The following LDLRAD4 variants were observed in gnomAD, a reference collection of about 807,000 sequenced individuals.
LDLRAD4 encodes the protein low density lipoprotein receptor class A domain containing 4.
A neutral mutation model predicts 17.0 loss-of-function variants in LDLRAD4; 5 were observed. That is an observed-to-expected ratio of 0.29 (90% confidence interval 0.15 to 0.62). The LOEUF is 0.62. LDLRAD4 is among the 20% of genes least tolerant of loss of function. The pLI is 0.84. For synonymous variants in LDLRAD4, 168 were observed against 171.8 expected, an observed-to-expected ratio of 0.98 and a Z score of 0.17; for missense variants, 340 against 424.7, an observed-to-expected ratio of 0.80 and a Z score of 1.75.
At chr18:13,233,810 C>T (rs1315291490) in intron 1 of LDLRAD4, among the ~76,000 whole-genome samples, 1 of 152,078 alleles carries the variant, frequency 6.6e-6, no homozygotes, top group African/African-American at 2.4e-5. Flanking sequence ...CACCTACCTG[C>T]CTACCGGGCA....
chr18:13,289,696 T>C (rs1314339590), intron 1 of LDLRAD4, among the ~76,000 whole-genome samples: 1 of 152,198 alleles, frequency 6.6e-6, no homozygotes, highest in African/African-American at 2.4e-5. Flanking sequence ...CAGACCCAGC[T>C]GTGTCCAGTC....
intron 1 of LDLRAD4, among the ~76,000 whole-genome samples, chr18:13,306,082 C>T (rs1231265487): frequency 6.6e-6 from 1 of 152,032 alleles, no homozygotes; most frequent in Non-Finnish European, 1.5e-5. Flanking sequence ...TTAAGAAAAT[C>T]ATTGAGGAGA....
chr18:13,627,637 G>A (rs1157447453), intron 4 of LDLRAD4, among the ~76,000 whole-genome samples: 1 of 152,244 alleles, frequency 6.6e-6, no homozygotes, highest in Non-Finnish European at 1.5e-5. Flanking sequence ...GTTGAGACAC[G>A]TGTCTGGGTC....
chr18:13,633,963 G>T (rs2041884505), intron 4 of LDLRAD4, among the ~76,000 whole-genome samples: 1 of 152,228 alleles, frequency 6.6e-6, no homozygotes, highest in African/African-American at 2.4e-5. Flanking sequence ...CACAGCAGCT[G>T]CTCCAGATGG....
chr18:13,267,846 A>G (rs2044306466), intron 1 of LDLRAD4, among the ~76,000 whole-genome samples: 1 of 152,146 alleles, frequency 6.6e-6, no homozygotes, highest in Admixed American at 6.5e-5. Flanking sequence ...GTCCTTCCTG[A>G]GCTTTGACTT....
chr18:13,247,221 A>G (rs2042998571), intron 1 of LDLRAD4, among the ~76,000 whole-genome samples: 1 of 152,172 alleles, frequency 6.6e-6, no homozygotes, highest in Non-Finnish European at 1.5e-5. Flanking sequence ...CCACTTTTTT[A>G]CAAAAAGCTT....
chr18:13,301,480 T>G (rs2046599393), intron 1 of LDLRAD4, among the ~76,000 whole-genome samples: 2 of 151,904 alleles, frequency 1.3e-5, no homozygotes, highest in Non-Finnish European at 2.9e-5. Flanking sequence ...GGCTCTGCAT[T>G]CTAAAATTAA....
chr18:13,612,392 C>T (rs2039655649), intron 3 of LDLRAD4: 3 of 1,195,424 alleles, frequency 2.5e-6, no homozygotes, highest in South Asian at 2.3e-5. Flanking sequence ...GTGACACGGC[C>T]GGCTTCCTGC....
At chr18:13,226,071 A>G (rs888714328) in intron 1 of LDLRAD4, among the ~76,000 whole-genome samples, 2 of 148,178 alleles carry the variant, frequency 1.3e-5, no homozygotes, top group Admixed American at 6.8e-5. Flanking sequence ...TCCAGGCTGG[A>G]GTGCAGTGGT....
intron 1 of LDLRAD4, among the ~76,000 whole-genome samples, chr18:13,261,222 C>T (rs1219669800): frequency 6.6e-6 from 1 of 152,208 alleles, no homozygotes; most frequent in Non-Finnish European, 1.5e-5. Flanking sequence ...GAACTCTGCC[C>T]CTAACATTCC....
chr18:13,323,208 T>G (rs893379004), intron 1 of LDLRAD4, among the ~76,000 whole-genome samples: 1 of 152,274 alleles, frequency 6.6e-6, no homozygotes, highest in Non-Finnish European at 1.5e-5. Flanking sequence ...TTCACTTTTC[T>G]GCATACATTT....
chr18:13,262,127 T>C (rs2043868566), intron 1 of LDLRAD4, among the ~76,000 whole-genome samples: 1 of 115,054 alleles, frequency 8.7e-6, no homozygotes, highest in African/African-American at 3.0e-5. Context: ...TGCAGCTCTG[T>C]GCGTGGAAAC....
chr18:13,646,261 T>C (rs1388499712), exon 6 of LDLRAD4: 2 of 152,682 alleles, frequency 1.3e-5, no homozygotes, highest in African/African-American at 2.4e-5. Flanking sequence ...GTTGAAAATA[T>C]TTACAAGGGA....
chr18:13,347,188 A>G (rs1344662360), intron 1 of LDLRAD4, among the ~76,000 whole-genome samples: 3 of 152,244 alleles, frequency 2.0e-5, no homozygotes, highest in Admixed American at 1.3e-4. Flanking sequence ...ATAATTTGGC[A>G]TGTTTTTGCA....
chr18:13,602,493 ATTTTTTTTT>A (rs36122294), intron 3 of LDLRAD4, among the ~76,000 whole-genome samples: 7 of 95,022 alleles, frequency 7.4e-5, no homozygotes, highest in Non-Finnish European at 8.6e-5. Flanking sequence ...ATGGCATTTA[ATTTTTTTTT>A]TTTTTTTTTT....
intron 3 of LDLRAD4, among the ~76,000 whole-genome samples, chr18:13,599,001 G>A (rs1016179004): frequency 7.2e-5 from 11 of 152,156 alleles, no homozygotes; most frequent in African/African-American, 1.9e-4. Context: ...GCCATTCCTC[G>A]GATAGATCTT....
At chr18:13,231,833 C>T (rs562388751) in intron 1 of LDLRAD4, among the ~76,000 whole-genome samples, 14 of 152,148 alleles carry the variant, frequency 9.2e-5, no homozygotes, top group African/African-American at 3.4e-4. Context: ...TTCTTCTTCT[C>T]TAATGTGGCT....
intron 2 of LDLRAD4, among the ~76,000 whole-genome samples, chr18:13,409,949 G>A (rs2088164216): frequency 6.6e-6 from 1 of 152,122 alleles, no homozygotes; most frequent in Admixed American, 6.5e-5. Flanking sequence ...AGTGCTCAAG[G>A]TCAACATCAG....
At chr18:13,513,695 C>T (rs1040810131) in intron 3 of LDLRAD4, among the ~76,000 whole-genome samples, 1 of 152,156 alleles carries the variant, frequency 6.6e-6, no homozygotes, top group African/African-American at 2.4e-5. Flanking sequence ...AAGCCTTGGA[C>T]CTATGTTGGG....
Sources: gnomAD v4.1 joint callset for allele counts (sites outside exome capture counted in the v4.1 genomes callset) on GRCh38, gnomAD v4.1.1 for gene constraint, MANE v1.5 for transcripts, NCBI Gene and HGNC (gene_info 2026-07-23, HGNC 2026-07-21) for gene names.